TPM1: variants seen among roughly 807,000 people sequenced by gnomAD.
The protein encoded by TPM1 is tropomyosin 1, also known as tropomyosin alpha-1 chain.
A neutral mutation model predicts 42.9 loss-of-function variants in TPM1; 24 were observed. The ratio of observed to expected loss-of-function variants is 0.56; its 90% CI spans 0.41 to 0.79. The LOEUF (loss-of-function observed/expected upper bound fraction) is 0.79, where lower values mean the gene tolerates loss of function less well. Ranked by LOEUF, TPM1 falls within the 30% of genes least tolerant of loss-of-function variation. The probability of loss-of-function intolerance (pLI) is 0.00; values close to 1 mark genes in which losing one functional copy is unlikely to be tolerated. For missense variants in TPM1, 158 were observed against 351.8 expected (o/e 0.45, Z 4.41); for synonymous variants, 136 against 130.1 (o/e 1.05, Z -0.31).
At chr15:63,070,538 A>G (rs1199072364), downstream of TPM1, 5 of 995,290 alleles carry the variant, frequency 5.0e-6, no homozygotes, top group Non-Finnish European at 4.8e-6. Context: ...ATAGAACACT[A>G]TAAAAATATT....
Position 63,056,818 on chromosome 15 carries a change from A to T in TPM1, c.241-167A>T, listed in dbSNP as rs114027732. The stretch of plus-strand genomic sequence containing the variant: ...GTTCACTGTATAAATCAATGTGTAA[A>T]TGTGTCCGAGAACTCCAGAGTTGAT... On this transcript the variant is annotated intron_variant, in intron 2 of 9. Coordinates refer to ENST00000403994, the MANE Select transcript of TPM1 (RefSeq NM_001018005.2). 2,447 of 830,992 alleles carry T rather than the reference A, an allele frequency of 2.9e-3. 43 individuals are homozygous for T. In the African/African-American group the frequency reaches 0.032, roughly 11 times the overall value. The allele number at this position is 830,992 out of a possible 1,614,324, so 51.5% of individuals were successfully genotyped here.
At chr15:63,071,397 TGTAG>T (rs2036601571) in exon 9 of TPM1, 1 of 492,916 alleles carries the variant, frequency 2.0e-6, no homozygotes, top group South Asian at 2.0e-5. Flanking sequence ...TGCCACACTT[TGTAG>T]AGAGTTTAGC....
At chr15:63,052,380 G>A (rs747030160) in intron 2 of TPM1, among the ~76,000 whole-genome samples, 72 of 152,246 alleles carry the variant, frequency 4.7e-4, no homozygotes, top group African/African-American at 1.4e-3. Context: ...GCAATTAGCC[G>A]AGCATGGTGT....
chr15:63,061,953 A>G (rs2035696534), intron 6 of TPM1, 165 bp downstream of exon 6: 2 of 705,908 alleles, frequency 2.8e-6, no homozygotes, highest in African/African-American at 1.8e-5. Flanking sequence ...TAACTAGAGA[A>G]TTTATTTTAT....
At chr15:63,048,842 T>A in intron 2 of TPM1, 1 of 1,226,036 alleles carries the variant, frequency 8.2e-7, no homozygotes, top group Non-Finnish European at 1.1e-6. Flanking sequence ...CTGGCGCACC[T>A]GGGCCAGCTG....
At chr15:63,070,306 A>ATATGTGTGTGTGTGTG (rs58377224), downstream of TPM1, 2 of 650,404 alleles carry the variant, frequency 3.1e-6, no homozygotes, top group African/African-American at 4.1e-5. Flanking sequence ...ATATATATAT[A>ATATGTGTGTGTGTGTG]TGTGTGTGTG....
chr15:63,061,396 T>C, intron 5 of TPM1: 1 of 918,742 alleles, frequency 1.1e-6, no homozygotes, highest in Non-Finnish European at 1.8e-6. Context: ...TATTTATATC[T>C]TGCCTTAAGT....
At chr15:63,064,980 A>G in intron 9 of TPM1, 3 of 985,100 alleles carry the variant, frequency 3.0e-6, no homozygotes, top group Non-Finnish European at 2.4e-6. Context: ...AAAAAAAAGA[A>G]TGGTAGAGTA....
intron 2 of TPM1, chr15:63,056,753 A>C (rs577472214): frequency 1.7e-6 from 1 of 580,560 alleles, no homozygotes; most frequent in African/African-American, 1.8e-5. Flanking sequence ...CTGTCTGATG[A>C]GAATTGTGTG....
At position 63,057,217 on chromosome 15, in the gene TPM1, C is replaced by G. The variant is rs2034946474; in HGVS notation, c.374+99C>G. 2.6e-6 allele frequency: 4 copies of G among 1,532,744 alleles called. No individual in the cohort carries two copies. The African/African-American group carries it at 5.5e-5, about 21-fold the overall frequency. The allele number at this position is 1,532,744 out of a possible 1,614,324, so 94.9% of individuals were successfully genotyped here. A position where few individuals can be genotyped will look rare whatever the true frequency, so the allele number is the denominator to read the frequency against. The stretch of plus-strand genomic sequence containing the variant: ...TTGAGGTTTAAGAATTTTTCAGTCC[C>G]CTGGTGGTGGGATCATTTCCTCTAT... On this transcript the variant is annotated intron_variant, in intron 3 of 9. Transcript: ENST00000403994.
chr15:63,048,846 C>G (rs1185999237), intron 2 of TPM1: 2 of 1,202,948 alleles, frequency 1.7e-6, no homozygotes, highest in African/African-American at 1.5e-5. Context: ...CGCACCTGGG[C>G]CAGCTGGCGG....
intron 2 of TPM1, among the ~76,000 whole-genome samples, chr15:63,052,310 G>T (rs568518935): frequency 5.8e-4 from 89 of 152,306 alleles, no homozygotes; most frequent in African/African-American, 2.0e-3. Context: ...ATCACCTGAG[G>T]TCAGCAGTTC....
At chr15:63,061,279 G>A in intron 5 of TPM1, 1 of 1,614,136 alleles carries the variant, frequency 6.2e-7, no homozygotes, top group South Asian at 1.1e-5. Flanking sequence ...ATAAGGTACT[G>A]ATGGCTCGTG....
At chr15:63,051,119 T>TC (rs1192620017) in intron 2 of TPM1, among the ~76,000 whole-genome samples, 2 of 152,030 alleles carry the variant, frequency 1.3e-5, no homozygotes, top group African/African-American at 2.4e-5. Context: ...TTGCTTTTTT[T>TC]CATTATTTAA....
Position 63,044,204 on chromosome 15 carries a change from C to T in TPM1, c.240+52C>T, listed in dbSNP as rs376687091. On this transcript the variant is annotated intron_variant, in intron 2 of 9. Transcript: ENST00000403994. ...TCACCTCTTGCCTGCGTGGCCACTC[C>T]GGGGTCACCACAGGGCTGGAGAGCA... is the stretch of plus-strand genomic sequence containing the variant. 5.4e-5 allele frequency: 87 copies of T among 1,613,776 alleles called. No individual in the cohort carries two copies. Among genetic ancestry groups the T allele is most frequent in the East Asian group, 3.6e-4 (16 of 44,884 alleles).
intron 1 of TPM1, chr15:63,043,633 G>T: frequency 6.5e-7 from 1 of 1,533,382 alleles, no homozygotes; most frequent in Non-Finnish European, 8.7e-7. Flanking sequence ...CAGCCAACCC[G>T]ACGCCCGTGT....
intron 2 of TPM1, among the ~76,000 whole-genome samples, chr15:63,052,542 G>C (rs1395441190): frequency 6.6e-6 from 1 of 151,992 alleles, no homozygotes; most frequent in Non-Finnish European, 1.5e-5. Flanking sequence ...AGAAGAAGAA[G>C]AAGAAAGCTA....
chr15:63,048,145 T>C (rs1185134283), intron 2 of TPM1: 1 of 434,710 alleles, frequency 2.3e-6, no homozygotes, highest in Admixed American at 2.5e-5. Flanking sequence ...CCAGCAGGAG[T>C]CGCTATTGCC....
At chr15:63,048,162 A>G (rs1244535850) in intron 2 of TPM1, 1 of 446,530 alleles carries the variant, frequency 2.2e-6, no homozygotes, top group Admixed American at 2.4e-5. Context: ...TGCCCTTAGC[A>G]GCCAGCTCCG....
Sources: gnomAD v4.1 joint callset for allele counts (sites outside exome capture counted in the v4.1 genomes callset) on GRCh38, gnomAD v4.1.1 for gene constraint, MANE v1.5 for transcripts, NCBI Gene and HGNC (gene_info 2026-07-23, HGNC 2026-07-21) for gene names.